ADAMTS6: variants seen among roughly 807,000 people sequenced by gnomAD.
ADAMTS6 encodes the protein A disintegrin and metalloproteinase with thrombospondin motifs 6.
ADAMTS6 carries 23 observed loss-of-function variants against 144.3 expected under a neutral mutation model. That is an observed-to-expected ratio of 0.16 (90% CI 0.11 to 0.23). The LOEUF is 0.23. Ranked by LOEUF, ADAMTS6 falls within the 10% of genes least tolerant of loss-of-function variation. The pLI is 1.00. For missense variants in ADAMTS6, 999 were observed against 1,379.6 expected (o/e 0.72, Z 4.37); for synonymous variants, 444 against 457.5 (o/e 0.97, Z 0.38).
At chr5:65,225,980 G>C (rs1757691107) in intron 16 of ADAMTS6, 106 bp downstream of exon 16, 1 of 1,195,534 alleles carries the variant, frequency 8.4e-7, no homozygotes, top group Non-Finnish European at 1.1e-6. Flanking sequence ...TCTCTAAAAT[G>C]TGGTCCCCTT....
chr5:65,427,669 G>T (rs1304408068), intron 7 of ADAMTS6, among the ~76,000 whole-genome samples: 1 of 151,706 alleles, frequency 6.6e-6, no homozygotes, highest in Non-Finnish European at 1.5e-5. Flanking sequence ...GTGGTGGCGG[G>T]TGCCTGTAGT....
At position 65,452,142 on chromosome 5, in the gene ADAMTS6, T is replaced by C; in HGVS notation, c.918A>G (p.Thr306=). 1 of 1,609,306 alleles carries C rather than the reference T, an allele frequency of 6.2e-7. No homozygotes were observed. The highest frequency in any genetic ancestry group is 2.2e-5 in the East Asian group (1 of 44,778). ...NIIVARLIVL[T]EDQPNLEINH... ...ACTAACTCATTCTTACCTGATCTTC[T>C]GTGAGAACAATTAAGCGGGCCACTA... is the stretch of plus-strand genomic sequence containing the variant. The change falls in exon 6 of 25, where the codon ACA becomes ACG. Residue 306 remains threonine, a synonymous_variant. Transcript: ENST00000381055.
chr5:65,340,847 A>G lies in ADAMTS6; in HGVS notation c.1074-6762T>C, dbSNP rs79403368. 2.0e-5 allele frequency among the ~76,000 whole-genome samples: 3 copies of G among 152,064 alleles called. No homozygotes were observed. The East Asian group carries it at 5.8e-4, about 29-fold the overall frequency. On this transcript the variant is annotated intron_variant, in intron 7 of 24. Coordinates refer to ENST00000381055, the MANE Select transcript of ADAMTS6 (RefSeq NM_197941.4). Reference sequence around the variant, plus strand: ...TAAAAGCTGTAAAAAGAGACAAAGTATTATTTAAAAAATAATAAAGGGATC... The same window carrying G: ...TAAAAGCTGTAAAAAGAGACAAAGTGTTATTTAAAAAATAATAAAGGGATC...
At chr5:65,386,624 G>C (rs1385816899) in intron 7 of ADAMTS6, among the ~76,000 whole-genome samples, 1 of 152,128 alleles carries the variant, frequency 6.6e-6, no homozygotes, top group African/African-American at 2.4e-5. Context: ...GTCTCACTCT[G>C]ACACCCAGGC....
chr5:65,219,523 T>G lies in ADAMTS6; in HGVS notation c.2273-4036A>C, dbSNP rs148890818. On this transcript the variant is annotated intron_variant, in intron 18 of 24. Transcript: ENST00000381055. ...AAAAGATTTACCATGCAAACACTGA[T>G]CAGAAGACAGCTGGGGTAGCTAGAT... Among the ~76,000 whole-genome samples the G allele has an allele frequency of 3.3e-3, 506 of 152,328 alleles. 2 individuals are homozygous for G. Among genetic ancestry groups the G allele is most frequent in the African/African-American group, 0.012 (487 of 41,580 alleles).
At chr5:65,429,327 GCTT>G (rs1756811538) in intron 7 of ADAMTS6, among the ~76,000 whole-genome samples, 1 of 152,024 alleles carries the variant, frequency 6.6e-6, no homozygotes, top group South Asian at 2.1e-4. Context: ...ACAATTATCT[GCTT>G]CTTCATCAGA....
At chr5:65,236,016 C>T (rs925675553) in intron 15 of ADAMTS6, among the ~76,000 whole-genome samples, 10 of 152,046 alleles carry the variant, frequency 6.6e-5, no homozygotes, top group Middle Eastern at 3.2e-3. Context: ...GCAAAACAAT[C>T]CCAAAGGTAT....
intron 9 of ADAMTS6, among the ~76,000 whole-genome samples, chr5:65,316,246 T>C (rs1175590135): frequency 1.3e-5 from 2 of 152,272 alleles, no homozygotes; most frequent in East Asian, 1.9e-4. Flanking sequence ...TTTTCAGTAA[T>C]TGATAGATCA....
At chr5:65,189,046 T>A (rs1261013673) in intron 21 of ADAMTS6, among the ~76,000 whole-genome samples, 1 of 152,218 alleles carries the variant, frequency 6.6e-6, no homozygotes, top group African/African-American at 2.4e-5. Flanking sequence ...GAGCTAGCTC[T>A]ATGAAAACAG....
chr5:65,215,831 A>G (rs1188850004), intron 18 of ADAMTS6, among the ~76,000 whole-genome samples: 1 of 152,214 alleles, frequency 6.6e-6, no homozygotes, highest in Non-Finnish European at 1.5e-5. Context: ...TGAAATAGTA[A>G]TTAAATGGAT....
chr5:65,381,993 A>G (rs1752085749), intron 7 of ADAMTS6, among the ~76,000 whole-genome samples: 1 of 152,222 alleles, frequency 6.6e-6, no homozygotes, highest in African/African-American at 2.4e-5. Flanking sequence ...TGCTAAAAAC[A>G]GACTTTTGTA....
intron 7 of ADAMTS6, among the ~76,000 whole-genome samples, chr5:65,336,285 C>T (rs972931236): frequency 2.6e-5 from 4 of 152,062 alleles, no homozygotes; most frequent in African/African-American, 9.7e-5. Context: ...ATCAGAAACT[C>T]TTTCAGCTAT....
chr5:65,224,224 T>C (rs1757548923), intron 18 of ADAMTS6, 96 bp downstream of exon 18: 1 of 964,656 alleles, frequency 1.0e-6, no homozygotes, highest in Non-Finnish European at 1.7e-6. Context: ...GAAAGTGATC[T>C]ACCTCAAAGA....
Position 65,162,620 on chromosome 5 carries a change from T to TACACACACAC in ADAMTS6, c.3244+7987_3244+7996dup, listed in dbSNP as rs10529076. On this transcript the variant is annotated intron_variant, in intron 24 of 24. Transcript: ENST00000381055. ...TTGTTGTCAGGATTATATAAGATAC[T>TACACACACAC]ACACACACACACACACACACACACA... Among the ~76,000 whole-genome samples the TACACACACAC allele has an allele frequency of 2.9e-3, 426 of 145,932 alleles. 1 individual carries two copies. The highest frequency in any genetic ancestry group is 8.8e-3 in the African/African-American group (344 of 39,152).
Position 65,315,884 on chromosome 5 carries a change from C to T in ADAMTS6, c.1223+13494G>A, listed in dbSNP as rs574038994. ...ACTTATAGAACTGCAAAGAGAAATA[C>T]ACAAATCCACTATTATAGTTAGAAA... On this transcript the variant is annotated intron_variant, in intron 9 of 24. Coordinates refer to ENST00000381055, the MANE Select transcript of ADAMTS6 (RefSeq NM_197941.4). Among the ~76,000 whole-genome samples, 14 of 152,002 alleles carry T rather than the reference C, an allele frequency of 9.2e-5. 1 individual carries two copies. Among genetic ancestry groups the T allele is most frequent in the African/African-American group, 3.4e-4 (14 of 41,498 alleles).
At position 65,370,963 on chromosome 5, in the gene ADAMTS6, AC is replaced by A. The variant is rs575634429; in HGVS notation, c.1074-36879del. ...GACTGCCTCCTCAAGTTGGTCCCTG[AC>A]CCCTGACCCCCGAGCAGCCTAACTG... On this transcript the variant is annotated intron_variant, in intron 7 of 24. Transcript: ENST00000381055. Among the ~76,000 whole-genome samples the A allele has an allele frequency of 7.2e-5, 11 of 152,078 alleles. No homozygotes were observed. The South Asian group carries it at 2.3e-3, about 32-fold the overall frequency.
chr5:65,183,376 C>T (rs13361175), intron 22 of ADAMTS6, among the ~76,000 whole-genome samples: 66,844 of 151,824 alleles, frequency 0.44, 14,933 homozygotes, highest in Admixed American at 0.55. Context: ...GTTACATTCA[C>T]GGAACTCTTT....
chr5:65,305,789 CAG>C (rs1414422765), intron 9 of ADAMTS6, among the ~76,000 whole-genome samples: 1 of 152,040 alleles, frequency 6.6e-6, no homozygotes, highest in African/African-American at 2.4e-5. Context: ...CACATGGAGA[CAG>C]ACACACACAT....
chr5:65,326,734 A>G (rs1004697365), intron 9 of ADAMTS6, among the ~76,000 whole-genome samples: 2 of 152,120 alleles, frequency 1.3e-5, no homozygotes, highest in African/African-American at 4.8e-5. Flanking sequence ...AATATATTGG[A>G]TATATTTACT....
Sources: allele counts gnomAD v4.1 joint callset (sites outside exome capture counted in the v4.1 genomes callset), GRCh38; gene constraint gnomAD v4.1.1; transcripts MANE v1.5; gene names NCBI Gene and HGNC (gene_info 2026-07-23, HGNC 2026-07-21).